Variants in PYGO1 observed in about 807,000 individuals in gnomAD.
PYGO1 encodes the protein pygopus family PHD finger 1.
A neutral mutation model predicts 29.5 loss-of-function variants in PYGO1; 6 were observed. The ratio of observed to expected loss-of-function variants is 0.20; its 90% CI spans 0.11 to 0.40. The LOEUF (loss-of-function observed/expected upper bound fraction) is 0.40, where lower values mean the gene tolerates loss of function less well. Ranked by LOEUF, PYGO1 falls within the 10% of genes least tolerant of loss-of-function variation. The pLI, the probability that PYGO1 is intolerant of heterozygous loss-of-function variation, is 1.00. For synonymous variants in PYGO1, 186 were observed against 180.5 expected (o/e 1.03, Z -0.24); for missense variants, 515 against 514.9 (o/e 1.00, Z 0.00).
intron 1 of PYGO1, among the ~76,000 whole-genome samples, chr15:55,560,626 T>A (rs1359392002): frequency 6.6e-6 from 1 of 152,198 alleles, no homozygotes; most frequent in African/African-American, 2.4e-5. Flanking sequence ...ATAGACTTGA[T>A]GCTATTCTCA....
intron 1 of PYGO1, among the ~76,000 whole-genome samples, chr15:55,563,641 C>G (rs183380137): frequency 6.6e-6 from 1 of 152,170 alleles, no homozygotes; most frequent in Non-Finnish European, 1.5e-5. Flanking sequence ...TGAGCCACCA[C>G]GTCCAGCCAC....
intron 1 of PYGO1, among the ~76,000 whole-genome samples, chr15:55,579,705 C>A (rs1050012191): frequency 7.2e-5 from 11 of 152,084 alleles, no homozygotes; most frequent in Non-Finnish European, 1.3e-4. Flanking sequence ...GACTACTGAA[C>A]AGACATAATA....
chr15:55,579,531 TAAGC>T (rs1431131398), intron 1 of PYGO1, among the ~76,000 whole-genome samples: 1 of 152,182 alleles, frequency 6.6e-6, no homozygotes, highest in East Asian at 1.9e-4. Context: ...TTTTATTTTA[TAAGC>T]GACTGGGTCT....
Position 55,546,471 on chromosome 15 carries a change from ATAT to A in PYGO1, c.809_811del (p.Asn270del). On this transcript the variant is annotated inframe_deletion, in exon 3 of 3. Transcript: ENST00000563719. Reference sequence around the variant, plus strand: ...GTTTCGATTAACATTTTTTAATTCAATATTACTCTGATTCACTGTGTCATCCAT... The same window carrying A: ...GTTTCGATTAACATTTTTTAATTCAATACTCTGATTCACTGTGTCATCCAT... 1.9e-6 allele frequency: 3 copies of A among 1,614,134 alleles called. No individual in the cohort carries two copies. In the South Asian group the frequency reaches 3.3e-5, roughly 18 times the overall value.
At chr15:55,572,536 G>A (rs1243223210) in intron 1 of PYGO1, among the ~76,000 whole-genome samples, 4 of 152,118 alleles carry the variant, frequency 2.6e-5, no homozygotes, top group Non-Finnish European at 5.9e-5. Context: ...AGCAACAAAA[G>A]CAGAAATAAG....
intron 1 of PYGO1, among the ~76,000 whole-genome samples, chr15:55,569,430 GCTC>G (rs1278140480): frequency 2.0e-5 from 3 of 152,038 alleles, no homozygotes; most frequent in African/African-American, 7.2e-5. Flanking sequence ...TGCTACATAT[GCTC>G]CTTTTAATAC....
At chr15:55,558,511 T>C (rs1298062984) in intron 1 of PYGO1, among the ~76,000 whole-genome samples, 2 of 152,264 alleles carry the variant, frequency 1.3e-5, no homozygotes, top group South Asian at 2.1e-4. Context: ...AAAGTTCATA[T>C]GGAACCAAAA....
chr15:55,557,663 T>C (rs1414860125), intron 1 of PYGO1, among the ~76,000 whole-genome samples: 1 of 152,178 alleles, frequency 6.6e-6, no homozygotes, highest in Non-Finnish European at 1.5e-5. Context: ...GTGGGCTTCA[T>C]CCTTGGGATG....
chr15:55,554,185 A>G (rs2058892715), intron 1 of PYGO1, among the ~76,000 whole-genome samples: 1 of 152,138 alleles, frequency 6.6e-6, no homozygotes, highest in African/African-American at 2.4e-5. Context: ...GCTGAGGCAG[A>G]TGGGCACAGT....
intron 1 of PYGO1, among the ~76,000 whole-genome samples, chr15:55,553,243 G>A (rs1443351384): frequency 6.6e-6 from 1 of 152,126 alleles, no homozygotes; most frequent in African/African-American, 2.4e-5. Flanking sequence ...CTCTCCCCAT[G>A]ATGGAGCCCC....
intron 1 of PYGO1, among the ~76,000 whole-genome samples, chr15:55,581,857 C>T (rs915207497): frequency 6.6e-6 from 1 of 152,028 alleles, no homozygotes; most frequent in Non-Finnish European, 1.5e-5. Context: ...AAGGGATAAG[C>T]AAAACCTAAA....
rs2058845159 is a variant in PYGO1, at chr15:55,545,409, ATACT to A, written c.*610_*613del. ...GGTACCATCCACAAGTTAATCAACA[ATACT>A]TACTGAGAATTTACTATATGCTAAG... On this transcript the variant is annotated 3_prime_UTR_variant, in exon 3 of 3. Transcript: ENST00000563719. 1 of 152,226 alleles carries A rather than the reference ATACT, an allele frequency of 6.6e-6. No individual in the cohort carries two copies. Among genetic ancestry groups the A allele is most frequent in the South Asian group, 2.1e-4 (1 of 4,836 alleles). The allele number at this position is 152,226 out of a possible 1,614,324, so 9.4% of individuals were successfully genotyped here. A position where few individuals can be genotyped will look rare whatever the true frequency, so the allele number is the denominator to read the frequency against.
chr15:55,572,606 G>A (rs1407885065), intron 1 of PYGO1, among the ~76,000 whole-genome samples: 1 of 152,042 alleles, frequency 6.6e-6, no homozygotes, highest in Admixed American at 6.6e-5. Flanking sequence ...AAATGAAAAG[G>A]CAGCCTACAA....
chr15:55,580,165 C>T (rs892209751), intron 1 of PYGO1, among the ~76,000 whole-genome samples: 10 of 152,168 alleles, frequency 6.6e-5, no homozygotes, highest in Non-Finnish European at 1.5e-4. Context: ...GCCAAAAAAA[C>T]TCAGAAATCA....
At position 55,550,107 on chromosome 15, in the gene PYGO1, T is replaced by C. The variant is rs966990122; in HGVS notation, c.50-1112A>G. 5.9e-5 allele frequency among the ~76,000 whole-genome samples: 9 copies of C among 152,370 alleles called. No homozygotes were observed. The South Asian group carries it at 1.2e-3, about 21-fold the overall frequency. The stretch of plus-strand genomic sequence containing the variant: ...CAATCCAATTATCTCATAATATCTG[T>C]ATGGTTTGTTTAGATTGGGATCCAA... On this transcript the variant is annotated intron_variant, in intron 1 of 2. Coordinates refer to ENST00000563719, the MANE Select transcript of PYGO1 (RefSeq NM_001367806.1).
At chr15:55,588,872 G>A (rs1259519400), upstream of PYGO1, 3 of 1,612,920 alleles carry the variant, frequency 1.9e-6, no homozygotes, top group East Asian at 2.2e-5. Flanking sequence ...CAGATTCCCC[G>A]ACTCCGTGTC....
intron 1 of PYGO1, among the ~76,000 whole-genome samples, chr15:55,577,669 C>G (rs1174051866): frequency 6.6e-6 from 1 of 151,868 alleles, no homozygotes; most frequent in Non-Finnish European, 1.5e-5. Context: ...CCATCATTAC[C>G]ATCTAATTCC....
chr15:55,548,707 T>TAAAAAAAAAAAAAAAA (rs60796044), intron 2 of PYGO1, among the ~76,000 whole-genome samples: 7 of 55,448 alleles, frequency 1.3e-4, no homozygotes, highest in Admixed American at 5.2e-4. Context: ...AGAATCCACC[T>TAAAAAAAAAAAAAAAA]AAAAAAAAAA....
rs1338977415 is a variant in PYGO1 at position 55,545,935 on chromosome 15, A to T, written c.*88T>A. 5 of 1,365,266 alleles carry T rather than the reference A, an allele frequency of 3.7e-6. No individual in the cohort carries two copies. The highest frequency in any genetic ancestry group is 3.2e-5 in the South Asian group (2 of 63,290). The allele number at this position is 1,365,266 out of a possible 1,614,324, so 84.6% of individuals were successfully genotyped here. A position where few individuals can be genotyped will look rare whatever the true frequency, so the allele number is the denominator to read the frequency against. Reference sequence around the variant, plus strand: ...AAATAATGTTTTTGTGTATGCATTTAAAAAAATAATGTAAAACATTAAAAT... The same window carrying T: ...AAATAATGTTTTTGTGTATGCATTTTAAAAAATAATGTAAAACATTAAAAT... On this transcript the variant is annotated 3_prime_UTR_variant, in exon 3 of 3. Coordinates refer to ENST00000563719, the MANE Select transcript of PYGO1 (RefSeq NM_001367806.1).
Sources: allele counts gnomAD v4.1 joint callset (sites outside exome capture counted in the v4.1 genomes callset), GRCh38; gene constraint gnomAD v4.1.1; transcripts MANE v1.5; gene names NCBI Gene and HGNC (gene_info 2026-07-23, HGNC 2026-07-21).